CHMP3: variants seen among roughly 807,000 people sequenced by gnomAD.
CHMP3 encodes the protein charged multivesicular body protein 3.
A neutral mutation model predicts 27.4 loss-of-function variants in CHMP3; 8 were observed. The ratio of observed to expected loss-of-function variants is 0.29; its 90% CI spans 0.17 to 0.53. The LOEUF is 0.53. Among genes scored for constraint, CHMP3 ranks in the 20% least tolerant of loss-of-function variants. The pLI is 0.96. For missense variants in CHMP3, 208 were observed against 271.5 expected (o/e 0.77, Z 1.64); for synonymous variants, 86 against 85.5 (o/e 1.01, Z -0.03).
intron 1 of CHMP3, among the ~76,000 whole-genome samples, chr2:86,545,989 T>C (rs1449196788): frequency 3.3e-5 from 5 of 152,280 alleles, no homozygotes; most frequent in African/African-American, 1.2e-4. Context: ...GTAATCTTAG[T>C]ACTTTGGGAG....
chr2:86,522,646 A>G (rs969005617), intron 3 of CHMP3, among the ~76,000 whole-genome samples: 1 of 151,400 alleles, frequency 6.6e-6, no homozygotes, highest in African/African-American at 2.4e-5. Context: ...TTATACCTTC[A>G]CTCTGCACCT....
intron 3 of CHMP3, among the ~76,000 whole-genome samples, chr2:86,516,960 A>T (rs1336737606): frequency 6.6e-6 from 1 of 152,212 alleles, no homozygotes; most frequent in African/African-American, 2.4e-5. Flanking sequence ...CATCGATGGC[A>T]ATATCCTGAT....
chr2:86,506,373 G>GT (rs1308736924), intron 5 of CHMP3, among the ~76,000 whole-genome samples: 1 of 151,806 alleles, frequency 6.6e-6, no homozygotes, highest in Non-Finnish European at 1.5e-5. Flanking sequence ...AGAAAATCTA[G>GT]AAGTAAAAAT....
chr2:86,553,674 C>G (rs58091125), intron 1 of CHMP3, among the ~76,000 whole-genome samples: 29,737 of 152,060 alleles, frequency 0.2, 3,772 homozygotes, highest in African/African-American at 0.35. Context: ...CAAACACAAA[C>G]CTCGCTGAAT....
intron 1 of CHMP3, among the ~76,000 whole-genome samples, chr2:86,544,970 GGCGCTCCTC>G (rs1676513533): frequency 8.9e-6 from 1 of 112,540 alleles, no homozygotes; most frequent in Non-Finnish European, 2.1e-5. Context: ...GCCGGGCAGA[GGCGCTCCTC>G]ACCTCCCAGA....
intron 1 of CHMP3, among the ~76,000 whole-genome samples, chr2:86,547,217 T>C (rs1262635757): frequency 6.6e-6 from 1 of 152,194 alleles, no homozygotes; most frequent in Non-Finnish European, 1.5e-5. Flanking sequence ...ACCAAGCCCT[T>C]GCATAATGCC....
chr2:86,525,346 A>G (rs543132947), intron 3 of CHMP3, among the ~76,000 whole-genome samples: 1 of 152,186 alleles, frequency 6.6e-6, no homozygotes, highest in Admixed American at 6.5e-5. Context: ...TGCTGAACTA[A>G]AACACCACTT....
At chr2:86,539,041 G>A (rs1375991012) in intron 2 of CHMP3, among the ~76,000 whole-genome samples, 2 of 152,032 alleles carry the variant, frequency 1.3e-5, no homozygotes, top group Non-Finnish European at 2.9e-5. Flanking sequence ...ATAGCCAATA[G>A]CTTGACTTCT....
At chr2:86,508,873 C>T (rs769573974) in intron 4 of CHMP3, among the ~76,000 whole-genome samples, 1 of 152,180 alleles carries the variant, frequency 6.6e-6, no homozygotes, top group Non-Finnish European at 1.5e-5. Flanking sequence ...GTACTGGGGG[C>T]TACCATAAAA....
rs1558643757 is a variant in CHMP3, at chr2:86,510,524, TAGAGAGAGA to T, written c.287-54_287-46del. The T allele has an allele frequency of 7.5e-6, 12 of 1,598,592 alleles. No homozygotes were observed. The East Asian group carries it at 2.7e-4, about 36-fold the overall frequency. On this transcript the variant is annotated intron_variant, in intron 3 of 5. Coordinates refer to ENST00000263856, the MANE Select transcript of CHMP3 (RefSeq NM_016079.4). ...GTCAGGATTGTTCAACAGGATGGAA[TAGAGAGAGA>T]CAGCCAAATTATGAGCCATTCCAAT...
chr2:86,562,980 C>T, intron 1 of CHMP3: 1 of 264,742 alleles, frequency 3.8e-6, no homozygotes, highest in Admixed American at 5.3e-5. Context: ...GAAAAGGTTC[C>T]GGGCGGGTCG....
At chr2:86,526,862 CCCTG>C (rs1675732804) in intron 3 of CHMP3, among the ~76,000 whole-genome samples, 1 of 152,024 alleles carries the variant, frequency 6.6e-6, no homozygotes, top group South Asian at 2.1e-4. Context: ...AGCCACTGCA[CCCTG>C]CCTACATTTA....
intron 3 of CHMP3, among the ~76,000 whole-genome samples, chr2:86,516,024 T>G (rs1486673685): frequency 6.6e-6 from 1 of 151,730 alleles, no homozygotes. Context: ...GGCGCACGCC[T>G]GTAATCCCAG....
At chr2:86,550,540 AG>A (rs956504055) in intron 1 of CHMP3, among the ~76,000 whole-genome samples, 14 of 152,362 alleles carry the variant, frequency 9.2e-5, no homozygotes, top group African/African-American at 3.4e-4. Flanking sequence ...ATTGAAATTA[AG>A]AATTTTTATT....
chr2:86,517,435 G>A (rs929232813), intron 3 of CHMP3, among the ~76,000 whole-genome samples: 20 of 151,666 alleles, frequency 1.3e-4, no homozygotes, highest in South Asian at 4.2e-4. Flanking sequence ...GTGTGGTGGC[G>A]GGCACCTGTA....
In CHMP3 at chr2:86,519,025, T is replaced by C. The variant is rs564027433; in HGVS notation, c.287-8546A>G. On this transcript the variant is annotated intron_variant, in intron 3 of 5. Coordinates refer to ENST00000263856, the MANE Select transcript of CHMP3 (RefSeq NM_016079.4). ...TAATCTTTATTGACTGCACCACTGA[T>C]TGTATAGACGTTATAGAAATAATCT... is the stretch of plus-strand genomic sequence containing the variant. Among the ~76,000 whole-genome samples the C allele has an allele frequency of 2.0e-4, 30 of 152,270 alleles. 1 individual carries two copies. The South Asian group carries it at 2.7e-3, about 14-fold the overall frequency.
chr2:86,555,041 T>C (rs911982750), intron 1 of CHMP3, among the ~76,000 whole-genome samples: 1 of 151,984 alleles, frequency 6.6e-6, no homozygotes, highest in African/African-American at 2.4e-5. Flanking sequence ...AGAGACGGGG[T>C]TTCACTATGT....
intron 3 of CHMP3, among the ~76,000 whole-genome samples, chr2:86,522,898 CTT>C (rs1023181283): frequency 3.3e-5 from 5 of 152,204 alleles, no homozygotes; most frequent in African/African-American, 1.2e-4. Flanking sequence ...CACTGCTCCC[CTT>C]CATGCATTCC....
rs1036593325 is a variant in CHMP3, at chr2:86,504,417, A to G, written c.*1387T>C. The G allele has an allele frequency of 1.3e-5, 2 of 152,146 alleles. No individual in the cohort carries two copies. Among genetic ancestry groups the G allele is most frequent in the African/African-American group, 2.4e-5 (1 of 41,448 alleles). 9.4% of individuals were successfully genotyped at this position (152,146 alleles called of 1,614,324 possible). On this transcript the variant is annotated 3_prime_UTR_variant, in exon 6 of 6. Transcript: ENST00000263856. Reference sequence around the variant, plus strand: ...GTGAACCTACAACTGATTTAAAAAAATAATTATTTAAAATAATTTTTTAAC... The same window carrying G: ...GTGAACCTACAACTGATTTAAAAAAGTAATTATTTAAAATAATTTTTTAAC...
Sources: gnomAD v4.1 joint callset for allele counts (sites outside exome capture counted in the v4.1 genomes callset) on GRCh38, gnomAD v4.1.1 for gene constraint, MANE v1.5 for transcripts, NCBI Gene and HGNC (gene_info 2026-07-23, HGNC 2026-07-21) for gene names.